Variants in TCF4 observed in about 807,000 individuals in gnomAD.
The protein encoded by TCF4 is transcription factor 4.
In TCF4, 3 loss-of-function variants were observed where a neutral mutation model predicts 82.1. That is an observed-to-expected ratio of 0.04 (90% CI 0.02 to 0.09). TCF4 has a LOEUF of 0.09. Ranked by LOEUF, TCF4 falls within the 10% of genes least tolerant of loss-of-function variation. The pLI, the probability that TCF4 is intolerant of heterozygous loss-of-function variation, is 1.00. For synonymous variants in TCF4, 276 were observed against 309.6 expected (o/e 0.89, Z 1.14); for missense variants, 518 against 852.7 (o/e 0.61, Z 4.89).
At position 55,234,692 on chromosome 18, in the gene TCF4, G is replaced by C; in HGVS notation, c.1351-9C>G. 6.2e-7 allele frequency: 1 copy of C among 1,614,100 alleles called. No individual in the cohort carries two copies. The highest frequency in any genetic ancestry group is 8.5e-7 in the Non-Finnish European group (1 of 1,180,010). Reference sequence around the variant, plus strand: ...TCACGATGGGTCCCCACCTGAAAGGGCGAGAGGAACCAGAGAGGTGAGCAG... The same window carrying C: ...TCACGATGGGTCCCCACCTGAAAGGCCGAGAGGAACCAGAGAGGTGAGCAG... On this transcript the variant is annotated splice_polypyrimidine_tract_variant and intron_variant, in intron 15 of 19. Transcript: ENST00000354452.
intron 5 of TCF4, among the ~76,000 whole-genome samples, chr18:55,413,205 T>A (rs951290444): frequency 3.3e-5 from 5 of 152,196 alleles, no homozygotes; most frequent in Admixed American, 6.5e-5. Flanking sequence ...TAAGTGACAT[T>A]TTTAACCCCA....
intron 15 of TCF4, among the ~76,000 whole-genome samples, chr18:55,251,050 T>C (rs2054908609): frequency 6.6e-6 from 1 of 152,162 alleles, no homozygotes; most frequent in Non-Finnish European, 1.5e-5. Flanking sequence ...GATACAAAAG[T>C]TCCGAAGGAG....
At chr18:55,392,791 T>C (rs902766485) in intron 6 of TCF4, among the ~76,000 whole-genome samples, 10 of 152,166 alleles carry the variant, frequency 6.6e-5, no homozygotes, top group African/African-American at 2.4e-4. Context: ...ACATACATAA[T>C]TCAGATATAT....
intron 8 of TCF4, chr18:55,332,075 A>G (rs923941476): frequency 2.0e-5 from 3 of 152,158 alleles, no homozygotes; most frequent in Non-Finnish European, 4.4e-5. Flanking sequence ...TGTTTGTTTC[A>G]AATGTTCTTT....
rs2097028822 is a variant in TCF4, at chr18:55,529,166, C to T, written c.145+56114G>A. ...GCACTTCAGCCCGGGTGGTAACAGC[C>T]AGACTCGTCTCAAAAAACAAAAACA... On this transcript the variant is annotated intron_variant, in intron 3 of 19. Coordinates refer to ENST00000354452, the MANE Select transcript of TCF4 (RefSeq NM_001083962.2). Among the ~76,000 whole-genome samples the T allele has an allele frequency of 5.3e-5, 8 of 152,216 alleles. No individual in the cohort carries two copies. In the South Asian group the frequency reaches 1.5e-3, roughly 28 times the overall value.
intron 3 of TCF4, among the ~76,000 whole-genome samples, chr18:55,552,737 C>A (rs926948783): frequency 6.6e-6 from 1 of 152,198 alleles, no homozygotes; most frequent in Non-Finnish European, 1.5e-5. Context: ...CTGCAGAACC[C>A]CCGGACTGAA....
intron 6 of TCF4, among the ~76,000 whole-genome samples, chr18:55,381,725 A>G (rs2091919743): frequency 6.6e-6 from 1 of 151,738 alleles, no homozygotes; most frequent in African/African-American, 2.4e-5. Flanking sequence ...TATCGGTTTT[A>G]TACTCAATCC....
chr18:55,476,916 T>C (rs1330631689), intron 3 of TCF4, among the ~76,000 whole-genome samples: 2 of 152,300 alleles, frequency 1.3e-5, no homozygotes, highest in East Asian at 3.9e-4. Context: ...CTTATAAATG[T>C]GTGTGTGCAT....
chr18:55,444,709 T>C (rs1352817247), intron 5 of TCF4, among the ~76,000 whole-genome samples: 3 of 152,228 alleles, frequency 2.0e-5, no homozygotes, highest in Admixed American at 1.3e-4. Flanking sequence ...ACTTCAACTA[T>C]GAAATATTAA....
intron 6 of TCF4, among the ~76,000 whole-genome samples, chr18:55,369,236 A>G (rs866198014): frequency 3.9e-5 from 6 of 152,362 alleles, no homozygotes; most frequent in Middle Eastern, 6.8e-3. Context: ...AAACTTAAGG[A>G]AAGAGATTAA....
intron 6 of TCF4, among the ~76,000 whole-genome samples, chr18:55,361,755 TA>T (rs2085256532): frequency 6.6e-6 from 1 of 152,176 alleles, no homozygotes; most frequent in African/African-American, 2.4e-5. Context: ...TGCCACTCAG[TA>T]AAAGGCAGCA....
chr18:55,280,189 A>C (rs566266081), intron 8 of TCF4, among the ~76,000 whole-genome samples: 1 of 152,344 alleles, frequency 6.6e-6, no homozygotes, highest in South Asian at 2.1e-4. Context: ...TTAAATTCCC[A>C]TAGTGTCAGC....
chr18:55,425,252 T>C (rs184496274), intron 5 of TCF4, among the ~76,000 whole-genome samples: 32 of 152,298 alleles, frequency 2.1e-4, no homozygotes, highest in African/African-American at 4.8e-5. Flanking sequence ...ACTAGGCAGA[T>C]TGGATTCGTT....
chr18:55,417,266 G>C (rs1303450626), intron 5 of TCF4, among the ~76,000 whole-genome samples: 1 of 152,090 alleles, frequency 6.6e-6, no homozygotes, highest in Admixed American at 6.5e-5. Context: ...AAATCTACAG[G>C]TAAAGGTAGA....
chr18:55,248,335 T>TC (rs2053944245), intron 15 of TCF4, among the ~76,000 whole-genome samples: 1 of 152,260 alleles, frequency 6.6e-6, no homozygotes, highest in Non-Finnish European at 1.5e-5. Flanking sequence ...GCTGAAATTC[T>TC]GTAACAGGCT....
intron 10 of TCF4, among the ~76,000 whole-genome samples, chr18:55,274,118 T>C (rs1182208489): frequency 6.6e-6 from 1 of 152,162 alleles, no homozygotes; most frequent in Non-Finnish European, 1.5e-5. Flanking sequence ...GTTTTGACCA[T>C]GAGTTCCCAC....
At chr18:55,365,160 T>TG in intron 6 of TCF4, among the ~76,000 whole-genome samples, 1 of 44,076 alleles carries the variant, frequency 2.3e-5, no homozygotes, top group Non-Finnish European at 3.6e-5. Context: ...CTCCAAAATA[T>TG]ATATATATAT....
rs535022166 is a variant in TCF4 at position 55,306,167 on chromosome 18, T to C, written c.550-26511A>G. Among the ~76,000 whole-genome samples the C allele has an allele frequency of 3.3e-5, 5 of 152,360 alleles. No homozygotes were observed. The South Asian group carries it at 1.0e-3, about 32-fold the overall frequency. On this transcript the variant is annotated intron_variant, in intron 8 of 19. Coordinates refer to ENST00000354452, the MANE Select transcript of TCF4 (RefSeq NM_001083962.2). ...ATTTGTTCTACATAGAAGATAAATG[T>C]ATCTAGAATAAACAGGTAAGGGTGT... is the stretch of plus-strand genomic sequence containing the variant.
intron 2 of TCF4, chr18:55,585,557 T>C: frequency 1.6e-6 from 1 of 640,024 alleles, no homozygotes; most frequent in South Asian, 2.0e-5. Context: ...CTGTTCTTTC[T>C]TTTTCCTCAG....
Sources: gnomAD v4.1 joint callset for allele counts (sites outside exome capture counted in the v4.1 genomes callset) on GRCh38, gnomAD v4.1.1 for gene constraint, MANE v1.5 for transcripts, NCBI Gene and HGNC (gene_info 2026-07-23, HGNC 2026-07-21) for gene names.